Variants in ERC2 observed in about 807,000 individuals in gnomAD.
ERC2 encodes the protein ERC protein 2.
A neutral mutation model predicts 114.8 loss-of-function variants in ERC2; 42 were observed. That is an observed-to-expected ratio of 0.37 (90% CI 0.29 to 0.47). ERC2 has a LOEUF of 0.47. ERC2 is among the 20% of genes least tolerant of loss of function. The probability of loss-of-function intolerance (pLI) is 0.99; values close to 1 mark genes in which losing one functional copy is unlikely to be tolerated. For synonymous variants in ERC2, 454 were observed against 425.5 expected (o/e 1.07, Z -0.82); for missense variants, 939 against 1,150.7 (o/e 0.82, Z 2.66).
At chr3:55,597,674 C>T (rs2058210832) in intron 17 of ERC2, among the ~76,000 whole-genome samples, 1 of 152,160 alleles carries the variant, frequency 6.6e-6, no homozygotes, top group South Asian at 2.1e-4. Flanking sequence ...CACTGCCTTC[C>T]TGGCCCCACC....
intron 14 of ERC2, among the ~76,000 whole-genome samples, chr3:55,850,777 T>G (rs6790618): frequency 0.36 from 54,071 of 151,154 alleles, 12,069 homozygotes; most frequent in African/African-American, 0.63. Context: ...ACATTCATTA[T>G]CCATCAGTTC....
intron 1 of ERC2, among the ~76,000 whole-genome samples, chr3:56,442,927 C>G (rs975266853): frequency 4.6e-5 from 7 of 152,128 alleles, no homozygotes; most frequent in African/African-American, 1.7e-4. Flanking sequence ...TAAGAGCTTT[C>G]TTCACCTCAG....
intron 16 of ERC2, among the ~76,000 whole-genome samples, chr3:55,684,847 T>TGGCC (rs1210816350): frequency 6.6e-6 from 1 of 152,206 alleles, no homozygotes; most frequent in African/African-American, 2.4e-5. Context: ...CTGTGCCTTT[T>TGGCC]AATAGGTCTC....
chr3:56,108,894 G>C (rs1184908202), intron 6 of ERC2, among the ~76,000 whole-genome samples: 2 of 152,018 alleles, frequency 1.3e-5, no homozygotes, highest in East Asian at 3.9e-4. Flanking sequence ...TGATAGATGA[G>C]AAATAATATG....
intron 13 of ERC2, among the ~76,000 whole-genome samples, chr3:55,893,875 T>C (rs2063725358): frequency 6.6e-6 from 1 of 152,210 alleles, no homozygotes; most frequent in African/African-American, 2.4e-5. Flanking sequence ...TATGCTCATG[T>C]GTGTATCCCT....
intron 17 of ERC2, among the ~76,000 whole-genome samples, chr3:55,543,770 C>T (rs2054558254): frequency 6.6e-6 from 1 of 152,116 alleles, no homozygotes; most frequent in South Asian, 2.1e-4. Context: ...TCTCTGTGTG[C>T]CATTTGCTTC....
chr3:55,652,831 G>C (rs1211944459), intron 17 of ERC2, among the ~76,000 whole-genome samples: 1 of 127,880 alleles, frequency 7.8e-6, no homozygotes, highest in Non-Finnish European at 1.5e-5. Context: ...TTGCCCTCCA[G>C]CCCGGGCGAC....
In ERC2 at chr3:55,643,870, C is replaced by G. The variant is rs545216599; in HGVS notation, c.*39+39924G>C. ...ACTCTGAATTATTAATGCAAAGCAG[C>G]TTTCACTATAAATATTTGGTCTCTG... On this transcript the variant is annotated intron_variant, in intron 17 of 17. Coordinates refer to ENST00000288221, the MANE Select transcript of ERC2 (RefSeq NM_015576.3). 3.3e-5 allele frequency among the ~76,000 whole-genome samples: 5 copies of G among 152,258 alleles called. No homozygotes were observed. In the East Asian group the frequency reaches 9.6e-4, roughly 29 times the overall value.
intron 2 of ERC2, among the ~76,000 whole-genome samples, chr3:56,305,184 CA>C (rs2056137071): frequency 6.6e-6 from 1 of 151,738 alleles, no homozygotes; most frequent in Non-Finnish European, 1.5e-5. Context: ...GTAAATTTGA[CA>C]ATGTTAAAAT....
intron 17 of ERC2, among the ~76,000 whole-genome samples, chr3:55,610,064 CAAA>C (rs36088271): frequency 0.16 from 18,851 of 118,906 alleles, 1,258 homozygotes; most frequent in South Asian, 0.29. Flanking sequence ...CAAACACAAA[CAAA>C]AAAAAAAAAA....
chr3:55,586,312 T>C (rs957011470), intron 17 of ERC2, among the ~76,000 whole-genome samples: 6 of 152,234 alleles, frequency 3.9e-5, no homozygotes, highest in Non-Finnish European at 8.8e-5. Flanking sequence ...ATCCCAGCCA[T>C]GATGCTTAGA....
At chr3:56,381,678 CAA>C (rs1425546224) in intron 2 of ERC2, among the ~76,000 whole-genome samples, 1 of 112,308 alleles carries the variant, frequency 8.9e-6, no homozygotes, top group Middle Eastern at 5.4e-3. Context: ...GGAACAGAAA[CAA>C]AGAGACAAAG....
intron 2 of ERC2, among the ~76,000 whole-genome samples, chr3:56,323,550 G>C (rs956690186): frequency 6.6e-6 from 1 of 152,160 alleles, no homozygotes; most frequent in Non-Finnish European, 1.5e-5. Flanking sequence ...ACTGAGCCCA[G>C]CCAAAGCCAG....
intron 14 of ERC2, among the ~76,000 whole-genome samples, chr3:55,768,953 C>T (rs1316946449): frequency 2.0e-5 from 3 of 152,078 alleles, no homozygotes; most frequent in Non-Finnish European, 4.4e-5. Context: ...GATCTTAGGA[C>T]GGGAGAAAAA....
intron 14 of ERC2, among the ~76,000 whole-genome samples, chr3:55,858,172 T>C (rs1347852945): frequency 6.6e-6 from 1 of 152,084 alleles, no homozygotes; most frequent in Non-Finnish European, 1.5e-5. Flanking sequence ...TACTTAAAGA[T>C]AAAAACAAGT....
At chr3:56,163,819 A>G (rs1432449853) in intron 4 of ERC2, among the ~76,000 whole-genome samples, 1 of 151,956 alleles carries the variant, frequency 6.6e-6, no homozygotes, top group Non-Finnish European at 1.5e-5. Flanking sequence ...TTTTGATCCA[A>G]CTTTTCACTC....
chr3:55,826,663 T>C lies in ERC2; in HGVS notation c.2564+61726A>G, dbSNP rs371021154. On this transcript the variant is annotated intron_variant, in intron 14 of 17. Transcript: ENST00000288221. ...AAAAGGCTAAAACAGACCCAGAGAG[T>C]GTCTTAAACCATGCCAAACTAATGA... Among the ~76,000 whole-genome samples the C allele has an allele frequency of 4.6e-5, 7 of 152,166 alleles. No homozygotes were observed. In the East Asian group the frequency reaches 1.4e-3, roughly 29 times the overall value.
intron 16 of ERC2, among the ~76,000 whole-genome samples, chr3:55,689,060 G>T (rs928490769): frequency 1.3e-5 from 2 of 152,094 alleles, no homozygotes; most frequent in Non-Finnish European, 2.9e-5. Flanking sequence ...GACACACTGG[G>T]GTGTCTCTCA....
chr3:56,334,194 G>A (rs74505305), intron 2 of ERC2, among the ~76,000 whole-genome samples: 3,700 of 152,314 alleles, frequency 0.024, 166 homozygotes, highest in African/African-American at 0.083. Context: ...CAAGGTACAA[G>A]AAGGTGCCTG....
Sources: allele counts gnomAD v4.1 joint callset (sites outside exome capture counted in the v4.1 genomes callset), GRCh38; gene constraint gnomAD v4.1.1; transcripts MANE v1.5; gene names NCBI Gene and HGNC (gene_info 2026-07-23, HGNC 2026-07-21).